RPS6KC1: variants seen among roughly 807,000 people sequenced by gnomAD.
RPS6KC1 encodes ribosomal protein S6 kinase C1.
A neutral mutation model predicts 103.8 loss-of-function variants in RPS6KC1; 54 were observed. The ratio of observed to expected loss-of-function variants is 0.52; its 90% CI spans 0.42 to 0.65. The LOEUF (loss-of-function observed/expected upper bound fraction) is 0.65, where lower values mean the gene tolerates loss of function less well. RPS6KC1 is among the 30% of genes least tolerant of loss of function. The probability of loss-of-function intolerance (pLI) is 0.00; values close to 1 mark genes in which losing one functional copy is unlikely to be tolerated. For missense variants in RPS6KC1, 1,151 were observed against 1,253.8 expected (o/e 0.92, Z 1.24); for synonymous variants, 439 against 438.7 (o/e 1.00, Z -0.01).
chr1:213,856,262 CA>C, the RPS6KC1 span, among the ~76,000 whole-genome samples: 1 of 152,090 alleles, frequency 6.6e-6, no homozygotes, highest in Admixed American at 6.6e-5. Context: ...CTAAGAAAAG[CA>C]GAGAGGAAAA....
At chr1:213,844,207 T>C in the RPS6KC1 span, among the ~76,000 whole-genome samples, 1 of 152,202 alleles carries the variant, frequency 6.6e-6, no homozygotes, top group Non-Finnish European at 1.5e-5. Context: ...AGCTAGGGTT[T>C]TTTTCATAAG....
chr1:213,614,657 TGCCTTGCTC>T, the RPS6KC1 span, among the ~76,000 whole-genome samples: 1 of 152,204 alleles, frequency 6.6e-6, no homozygotes, highest in Non-Finnish European at 1.5e-5. Context: ...CTTGTCCTTG[TGCCTTGCTC>T]TTAGCAGCTG....
intron 6 of RPS6KC1, among the ~76,000 whole-genome samples, chr1:213,165,433 G>GT (rs939158322): frequency 1.0e-4 from 15 of 149,296 alleles, no homozygotes; most frequent in East Asian, 2.0e-4. Flanking sequence ...TGTTGTTTTT[G>GT]TTTTTTTTGA....
At chr1:213,785,432 A>T in the RPS6KC1 span, among the ~76,000 whole-genome samples, 15 of 152,204 alleles carry the variant, frequency 9.9e-5, no homozygotes, top group East Asian at 5.8e-4. Flanking sequence ...AAAATAAAAA[A>T]AAACCCAGAA....
chr1:213,136,447 G>A (rs2086273083), intron 6 of RPS6KC1, among the ~76,000 whole-genome samples: 1 of 151,918 alleles, frequency 6.6e-6, no homozygotes, highest in South Asian at 2.1e-4. Context: ...AAATGAGGAA[G>A]GGATGTTAGG....
At chr1:213,283,638 G>C in the RPS6KC1 span, among the ~76,000 whole-genome samples, 2 of 152,146 alleles carry the variant, frequency 1.3e-5, no homozygotes, top group African/African-American at 4.8e-5. Context: ...CTCGAGATAG[G>C]GGGGATTAGA....
At chr1:213,202,996 C>T (rs2093220613) in intron 8 of RPS6KC1, among the ~76,000 whole-genome samples, 1 of 151,918 alleles carries the variant, frequency 6.6e-6, no homozygotes, top group Non-Finnish European at 1.5e-5. Flanking sequence ...GGTCAGTCAT[C>T]TTATGTTTTC....
At chr1:213,515,867 G>A in the RPS6KC1 span, among the ~76,000 whole-genome samples, 8 of 152,114 alleles carry the variant, frequency 5.3e-5, no homozygotes, top group African/African-American at 1.9e-4. Context: ...CATGAGCATG[G>A]AATGTTCTTC....
chr1:213,327,236 A>AAAAGAAAGAAAGAAAGAAAGAAAG, the RPS6KC1 span, among the ~76,000 whole-genome samples: 863 of 144,668 alleles, frequency 6.0e-3, 4 homozygotes, highest in Non-Finnish European at 8.2e-3. Context: ...GAAAGAAAAG[A>AAAAGAAAGAAAGAAAGAAAGAAAG]AAAGAAAGAA....
At chr1:213,570,788 AG>A in the RPS6KC1 span, among the ~76,000 whole-genome samples, 2 of 152,306 alleles carry the variant, frequency 1.3e-5, no homozygotes, top group East Asian at 3.9e-4. Context: ...GTACCACTTG[AG>A]GGGCACAACA....
chr1:213,826,615 T>C, the RPS6KC1 span, among the ~76,000 whole-genome samples: 1 of 152,202 alleles, frequency 6.6e-6, no homozygotes, highest in Non-Finnish European at 1.5e-5. Flanking sequence ...AAGCAGGGCA[T>C]TAAACCAAGT....
At chr1:213,635,946 A>G in the RPS6KC1 span, among the ~76,000 whole-genome samples, 6 of 152,248 alleles carry the variant, frequency 3.9e-5, no homozygotes, top group African/African-American at 1.4e-4. Context: ...CAATGTGCAA[A>G]AATCACAAGC....
chr1:213,363,759 CTTCTTT>C, the RPS6KC1 span, among the ~76,000 whole-genome samples: 2 of 56,592 alleles, frequency 3.5e-5, 1 homozygote, highest in Non-Finnish European at 6.2e-5. Context: ...CTCTTTCTCT[CTTCTTT>C]CTTTCTTTCT....
the RPS6KC1 span, chr1:213,492,525 G>C: frequency 6.6e-6 from 1 of 152,202 alleles, no homozygotes; most frequent in Admixed American, 6.5e-5. Context: ...AAGTCAAAGA[G>C]GGTCTTTGTG....
At chr1:213,158,218 G>T (rs2090113805) in intron 6 of RPS6KC1, among the ~76,000 whole-genome samples, 4 of 152,166 alleles carry the variant, frequency 2.6e-5, no homozygotes, top group Admixed American at 2.6e-4. Flanking sequence ...AAATACATTT[G>T]TAGCTGTGTA....
At chr1:213,052,299 A>G (rs1230059224) in intron 1 of RPS6KC1, among the ~76,000 whole-genome samples, 1 of 152,244 alleles carries the variant, frequency 6.6e-6, no homozygotes, top group Non-Finnish European at 1.5e-5. Flanking sequence ...CATTTTATGC[A>G]CATCACCCAA....
the RPS6KC1 span, among the ~76,000 whole-genome samples, chr1:213,535,725 G>A: frequency 1.3e-5 from 2 of 152,118 alleles, no homozygotes; most frequent in African/African-American, 4.8e-5. Flanking sequence ...CACCAAAAGG[G>A]CTGCAACAGC....
chr1:213,530,553 G>A, the RPS6KC1 span, among the ~76,000 whole-genome samples: 1 of 152,262 alleles, frequency 6.6e-6, no homozygotes, highest in Middle Eastern at 3.4e-3. Context: ...GGCTTCTCAT[G>A]CTTCTGATGC....
At chr1:213,233,302 G>A (rs1213822734) in intron 10 of RPS6KC1, among the ~76,000 whole-genome samples, 1 of 152,200 alleles carries the variant, frequency 6.6e-6, no homozygotes, top group Admixed American at 6.5e-5. Flanking sequence ...TGTGTGAATT[G>A]GATAACTAAT....
Sources: allele counts gnomAD v4.1 joint callset (sites outside exome capture counted in the v4.1 genomes callset), GRCh38; gene constraint gnomAD v4.1.1; transcripts MANE v1.5; gene names NCBI Gene and HGNC (gene_info 2026-07-23, HGNC 2026-07-21).